ZNF487: variants seen among roughly 807,000 people sequenced by gnomAD.
ZNF487 encodes zinc finger protein 487, also known as KRAB domain only 1.
ZNF487 carries 4 observed loss-of-function variants against 3.0 expected under a neutral mutation model. The observed-to-expected ratio is 1.35, with a 90% CI of 0.66 to 3.08. ZNF487 has a LOEUF of 3.08. Among genes scored for constraint, ZNF487 ranks in the 30% most tolerant of loss-of-function variants. ZNF487 has a pLI of 0.01. For synonymous variants in ZNF487, 55 were observed against 34.6 expected, an observed-to-expected ratio of 1.59 and a Z score of -2.06; for missense variants, 146 against 98.7, an observed-to-expected ratio of 1.48 and a Z score of -2.03.
chr10:43,490,245 G>A, the ZNF487 span, among the ~76,000 whole-genome samples: 4 of 151,970 alleles, frequency 2.6e-5, no homozygotes, highest in South Asian at 2.1e-4. Flanking sequence ...CCAGCTACTC[G>A]GGAGGCTGAG....
chr10:43,483,636 T>C (rs1394589494), downstream of ZNF487, among the ~76,000 whole-genome samples: 3 of 152,104 alleles, frequency 2.0e-5, no homozygotes, highest in Non-Finnish European at 4.4e-5. Flanking sequence ...CAAGTGATTC[T>C]TGTGCCTCAG....
chr10:43,480,293 A>G (rs1841301317), intron 3 of ZNF487, among the ~76,000 whole-genome samples: 1 of 149,926 alleles, frequency 6.7e-6, no homozygotes, highest in African/African-American at 2.5e-5. Context: ...TTTTGAGTAG[A>G]GACAGGGTTT....
rs1256398372 is a variant in ZNF487 at position 43,483,122 on chromosome 10, A to G, written c.*1200A>G. The G allele has an allele frequency of 2.2e-6, 1 of 456,238 alleles. No individual in the cohort carries two copies. The highest frequency in any genetic ancestry group is 4.4e-6 in the Non-Finnish European group (1 of 226,924). 28.3% of individuals were successfully genotyped at this position (456,238 alleles called of 1,614,324 possible). A position where few individuals can be genotyped will look rare whatever the true frequency, so the allele number is the denominator to read the frequency against. On this transcript the variant is annotated 3_prime_UTR_variant, in exon 4 of 4. Transcript: ENST00000437590. ...CTTCACCTTCTTGGACTCGTTCCAT[A>G]GCAGAAACAACCCAGGTTGGGGTGA...
rs34420531 is a variant in ZNF487, at chr10:43,443,061, C to CTTT, written c.-94+5815_-94+5817dup. Among the ~76,000 whole-genome samples the CTTT allele has an allele frequency of 7.9e-4, 95 of 119,864 alleles. 1 individual carries two copies. Among genetic ancestry groups the CTTT allele is most frequent in the African/African-American group, 1.6e-3 (50 of 31,308 alleles). 78.6% of individuals were successfully genotyped at this position (119,864 alleles called of 152,430 possible). A position where few individuals can be genotyped will look rare whatever the true frequency, so the allele number is the denominator to read the frequency against. ...ACCTTTCTAAACTTACTCGTTCTAG[C>CTTT]TTTTTTTTTTTTTTTTTTGAGACAG... On this transcript the variant is annotated intron_variant, in intron 1 of 3. Coordinates refer to ENST00000437590, the MANE Select transcript of ZNF487 (RefSeq NM_001355444.3).
chr10:43,442,689 C>A (rs950705995), intron 1 of ZNF487, among the ~76,000 whole-genome samples: 1 of 152,122 alleles, frequency 6.6e-6, no homozygotes, highest in Admixed American at 6.6e-5. Context: ...GTGATCCACC[C>A]GCCTTAGCCT....
chr10:43,486,175 A>G (rs992447285), downstream of ZNF487, among the ~76,000 whole-genome samples: 1 of 152,234 alleles, frequency 6.6e-6, no homozygotes, highest in Non-Finnish European at 1.5e-5. Flanking sequence ...ACAGACTATT[A>G]TACTGGTTTA....
At chr10:43,478,891 C>A in intron 3 of ZNF487, among the ~76,000 whole-genome samples, 1 of 150,114 alleles carries the variant, frequency 6.7e-6, no homozygotes, top group East Asian at 1.9e-4. Flanking sequence ...ATTTTTGATG[C>A]AGTTCTTTTT....
intron 1 of ZNF487, among the ~76,000 whole-genome samples, chr10:43,445,345 TGTA>T (rs1290983184): frequency 6.6e-6 from 1 of 152,174 alleles, no homozygotes; most frequent in African/African-American, 2.4e-5. Flanking sequence ...TAATTCTCAT[TGTA>T]GGTCATGTTT....
chr10:43,515,832 C>A, the ZNF487 span, among the ~76,000 whole-genome samples: 53 of 152,034 alleles, frequency 3.5e-4, no homozygotes, highest in Admixed American at 2.0e-3. Flanking sequence ...TGGAGTGCAG[C>A]GGTGCAATCT....
At position 43,482,678 on chromosome 10, in the gene ZNF487, T is replaced by C. The variant is rs1210730423; in HGVS notation, c.*756T>C. 1 of 477,246 alleles carries C rather than the reference T, an allele frequency of 2.1e-6. No homozygotes were observed. Among genetic ancestry groups the C allele is most frequent in the South Asian group, 1.6e-5 (1 of 64,170 alleles). The allele number at this position is 477,246 out of a possible 1,614,324, so 29.6% of individuals were successfully genotyped here. ...AGAAACCCTATGAGTGTAAGGAATG[T>C]GGGAAAACTTTCTCCCAGAAGCCAA... On this transcript the variant is annotated 3_prime_UTR_variant, in exon 4 of 4. Transcript: ENST00000437590.
intron 1 of ZNF487, among the ~76,000 whole-genome samples, chr10:43,471,183 C>T (rs550841526): frequency 5.9e-5 from 9 of 152,226 alleles, no homozygotes; most frequent in South Asian, 4.2e-4. Context: ...CCCATTTACT[C>T]GGCCCATTGC....
intron 1 of ZNF487, among the ~76,000 whole-genome samples, chr10:43,467,579 G>A (rs1410777521): frequency 6.6e-6 from 1 of 152,026 alleles, no homozygotes; most frequent in Non-Finnish European, 1.5e-5. Flanking sequence ...CACTTTGGGA[G>A]GCCGAGGCTG....
At chr10:43,469,106 C>A (rs1303987773) in intron 1 of ZNF487, among the ~76,000 whole-genome samples, 1 of 151,894 alleles carries the variant, frequency 6.6e-6, no homozygotes, top group Non-Finnish European at 1.5e-5. Flanking sequence ...CAGCAAACCA[C>A]CACTAGCAGT....
At chr10:43,441,382 C>T (rs1839602980) in intron 1 of ZNF487, among the ~76,000 whole-genome samples, 1 of 152,126 alleles carries the variant, frequency 6.6e-6, no homozygotes, top group South Asian at 2.1e-4. Context: ...TCTCCTGTCT[C>T]AGCCTCCCGA....
chr10:43,455,537 C>T (rs1223245945), intron 1 of ZNF487, among the ~76,000 whole-genome samples: 1 of 152,256 alleles, frequency 6.6e-6, no homozygotes, highest in Non-Finnish European at 1.5e-5. Flanking sequence ...GCCTGACGCG[C>T]CCCTTCCCGG....
the ZNF487 span, among the ~76,000 whole-genome samples, chr10:43,494,633 T>G: frequency 2.6e-5 from 4 of 151,792 alleles, no homozygotes; most frequent in African/African-American, 9.7e-5. Flanking sequence ...GAGATATACC[T>G]TAGGGAGTGC....
chr10:43,479,983 C>CTTT (rs1491476307), intron 3 of ZNF487, among the ~76,000 whole-genome samples: 2,409 of 35,474 alleles, frequency 0.068, 140 homozygotes, highest in African/African-American at 0.15. Context: ...TTCTTTCTTT[C>CTTT]CTTCTTTCTT....
chr10:43,493,612 G>C, the ZNF487 span, among the ~76,000 whole-genome samples: 1 of 149,290 alleles, frequency 6.7e-6, no homozygotes, highest in East Asian at 2.0e-4. Flanking sequence ...GATCACTTGA[G>C]CCTGGGAGGT....
At chr10:43,470,567 G>A (rs1307148219) in intron 1 of ZNF487, among the ~76,000 whole-genome samples, 3 of 152,030 alleles carry the variant, frequency 2.0e-5, no homozygotes, top group Admixed American at 6.6e-5. Flanking sequence ...TGTATTTTTA[G>A]TAGAGATGGG....
Sources: allele counts gnomAD v4.1 joint callset (sites outside exome capture counted in the v4.1 genomes callset), GRCh38; gene constraint gnomAD v4.1.1; transcripts MANE v1.5; gene names NCBI Gene and HGNC (gene_info 2026-07-23, HGNC 2026-07-21).